The following LMNTD1 variants were observed in gnomAD, a reference collection of about 807,000 sequenced individuals.
The protein encoded by LMNTD1 is lamin tail domain-containing protein 1.
A neutral mutation model predicts 50.9 loss-of-function variants in LMNTD1; 35 were observed. The ratio of observed to expected loss-of-function variants is 0.69; its 90% CI spans 0.53 to 0.91. LMNTD1 has a LOEUF of 0.91. LMNTD1 is among the 40% of genes least tolerant of loss of function. LMNTD1 has a pLI of 0.00. For missense variants in LMNTD1, 470 were observed against 475.5 expected, an observed-to-expected ratio of 0.99 and a Z score of 0.11; for synonymous variants, 153 against 161.9, an observed-to-expected ratio of 0.94 and a Z score of 0.42.
chr12:25,514,307 C>T (rs11048086), intron 8 of LMNTD1, among the ~76,000 whole-genome samples: 355 of 151,882 alleles, frequency 2.3e-3, no homozygotes, highest in Non-Finnish European at 3.8e-3. Flanking sequence ...TTTTCCATAT[C>T]GAAGAAATCT....
At chr12:25,544,856 C>A (rs1943331223) in intron 4 of LMNTD1, among the ~76,000 whole-genome samples, 2 of 151,744 alleles carry the variant, frequency 1.3e-5, no homozygotes, top group Non-Finnish European at 3.0e-5. Context: ...AAGAAAAAAT[C>A]TCTAGACTGG....
At chr12:25,506,459 T>C (rs904418874) in intron 8 of LMNTD1, among the ~76,000 whole-genome samples, 3 of 152,084 alleles carry the variant, frequency 2.0e-5, no homozygotes, top group African/African-American at 7.2e-5. Flanking sequence ...CAATATCAAC[T>C]CGAAACAATG....
chr12:25,582,073 A>G (rs1362297662), intron 1 of LMNTD1, among the ~76,000 whole-genome samples: 1 of 152,240 alleles, frequency 6.6e-6, no homozygotes, highest in African/African-American at 2.4e-5. Flanking sequence ...TGGGTCCCAC[A>G]GCCAACAGGT....
intron 1 of LMNTD1, among the ~76,000 whole-genome samples, chr12:25,635,926 G>T (rs1946823902): frequency 6.6e-6 from 1 of 152,194 alleles, no homozygotes; most frequent in African/African-American, 2.4e-5. Context: ...TAATTGGCTA[G>T]CCACATGTAG....
chr12:25,592,735 A>G (rs1248307764), intron 1 of LMNTD1: 1 of 152,246 alleles, frequency 6.6e-6, no homozygotes, highest in Non-Finnish European at 1.5e-5. Context: ...GGAGAAAGAT[A>G]TGAATTCAGT....
intron 1 of LMNTD1, among the ~76,000 whole-genome samples, chr12:25,566,169 T>C (rs1384239815): frequency 1.3e-5 from 2 of 152,256 alleles, no homozygotes; most frequent in East Asian, 3.9e-4. Context: ...ATTATCCCTT[T>C]GAATAAACTT....
intron 1 of LMNTD1, among the ~76,000 whole-genome samples, chr12:25,572,846 A>G (rs923735838): frequency 1.6e-4 from 20 of 123,754 alleles, no homozygotes; most frequent in African/African-American, 6.1e-4. Context: ...AACTTTAGGG[A>G]AAAAAACAGC....
intron 1 of LMNTD1, among the ~76,000 whole-genome samples, chr12:25,647,488 T>C (rs749229579): frequency 6.6e-6 from 1 of 152,100 alleles, no homozygotes; most frequent in African/African-American, 2.4e-5. Flanking sequence ...AGATCCTGTA[T>C]TAAAAAATAA....
At position 25,553,224 on chromosome 12, in the gene LMNTD1, A is replaced by G; in HGVS notation, c.-186T>C. The stretch of plus-strand genomic sequence containing the variant: ...CGGACAAACCATGGTGCAGGTGTGT[A>G]GCATTCACTGGAAGCAGCTTGAGAG... On this transcript the variant is annotated 5_prime_UTR_variant, in exon 1 of 10. Transcript: ENST00000458174. 1.3e-6 allele frequency: 2 copies of G among 1,512,034 alleles called. No individual in the cohort carries two copies. The highest frequency in any genetic ancestry group is 2.7e-5 in the South Asian group (2 of 73,682). The allele number at this position is 1,512,034 out of a possible 1,614,324, so 93.7% of individuals were successfully genotyped here.
chr12:25,591,477 C>G (rs1490714841), intron 1 of LMNTD1, among the ~76,000 whole-genome samples: 1 of 152,056 alleles, frequency 6.6e-6, no homozygotes, highest in Non-Finnish European at 1.5e-5. Context: ...TGAGTGCCAT[C>G]TCAGCTGCAG....
intron 1 of LMNTD1, among the ~76,000 whole-genome samples, chr12:25,630,911 C>T (rs930840435): frequency 4.6e-5 from 7 of 152,098 alleles, no homozygotes; most frequent in Non-Finnish European, 7.4e-5. Flanking sequence ...AGCTGGGAGG[C>T]GGGTAGCCTG....
At chr12:25,614,738 A>G (rs1426676209) in intron 1 of LMNTD1, among the ~76,000 whole-genome samples, 1 of 152,196 alleles carries the variant, frequency 6.6e-6, no homozygotes, top group Non-Finnish European at 1.5e-5. Context: ...TTAGTTTGCT[A>G]AGGCTGCCAC....
intron 1 of LMNTD1, among the ~76,000 whole-genome samples, chr12:25,581,987 A>G (rs538550427): frequency 7.8e-4 from 119 of 152,328 alleles, no homozygotes; most frequent in Non-Finnish European, 1.5e-3. Context: ...ATTTACTTTT[A>G]TTTACACCTG....
At chr12:25,528,886 C>G (rs956897419) in intron 4 of LMNTD1, among the ~76,000 whole-genome samples, 1 of 152,090 alleles carries the variant, frequency 6.6e-6, no homozygotes, top group Non-Finnish European at 1.5e-5. Context: ...GGGGCTACCA[C>G]CTTAAAAAAG....
chr12:25,485,825 G>T (rs879493200), intron 9 of LMNTD1, among the ~76,000 whole-genome samples: 3 of 143,264 alleles, frequency 2.1e-5, no homozygotes, highest in Non-Finnish European at 3.1e-5. Flanking sequence ...TAGGTATGCA[G>T]CATTATTTCT....
chr12:25,641,616 C>CT (rs1946960507), intron 1 of LMNTD1, among the ~76,000 whole-genome samples: 1 of 152,090 alleles, frequency 6.6e-6, no homozygotes, highest in Admixed American at 6.6e-5. Context: ...AATAGATATA[C>CT]TTTTTATAAA....
At chr12:25,593,923 C>G (rs1452628392) in intron 1 of LMNTD1, among the ~76,000 whole-genome samples, 2 of 151,952 alleles carry the variant, frequency 1.3e-5, no homozygotes, top group African/African-American at 4.8e-5. Flanking sequence ...ACGCAAAATG[C>G]TGTGGCAAGT....
chr12:25,488,713 G>A (rs1044429753), intron 9 of LMNTD1, among the ~76,000 whole-genome samples: 90 of 152,230 alleles, frequency 5.9e-4, no homozygotes, highest in Non-Finnish European at 9.4e-4. Context: ...GGCACTCTGC[G>A]TTTTAGAGTT....
At chr12:25,562,647 G>A (rs1050611252) in intron 1 of LMNTD1, among the ~76,000 whole-genome samples, 8 of 152,070 alleles carry the variant, frequency 5.3e-5, no homozygotes, top group Non-Finnish European at 1.2e-4. Context: ...TATCTTTGTG[G>A]CGTTCTCTGT....
Sources: gnomAD v4.1 joint callset for allele counts (sites outside exome capture counted in the v4.1 genomes callset) on GRCh38, gnomAD v4.1.1 for gene constraint, MANE v1.5 for transcripts, NCBI Gene and HGNC (gene_info 2026-07-23, HGNC 2026-07-21) for gene names.